The following INPP5B variants were observed in gnomAD, a reference collection of about 807,000 sequenced individuals.
The protein encoded by INPP5B is type II inositol 1,4,5-trisphosphate 5-phosphatase.
A neutral mutation model predicts 118.5 loss-of-function variants in INPP5B; 90 were observed. That is an observed-to-expected ratio of 0.76 (90% confidence interval 0.64 to 0.90). INPP5B has a LOEUF of 0.90. Among genes scored for constraint, INPP5B ranks in the 40% least tolerant of loss-of-function variants. The probability of loss-of-function intolerance (pLI) is 0.00; values close to 1 mark genes in which losing one functional copy is unlikely to be tolerated. For missense variants in INPP5B, 984 were observed against 1,125.6 expected, an observed-to-expected ratio of 0.87 and a Z score of 1.80; for synonymous variants, 385 against 418.9, an observed-to-expected ratio of 0.92 and a Z score of 0.99.
intron 3 of INPP5B, among the ~76,000 whole-genome samples, 172 bp from the exon 4 acceptor site, chr1:37,944,065 G>C (rs1646032732): frequency 6.6e-6 from 1 of 152,192 alleles, no homozygotes; most frequent in Non-Finnish European, 1.5e-5. Context: ...ATCAGAGACT[G>C]CAGTTTTATG....
intron 7 of INPP5B, among the ~76,000 whole-genome samples, chr1:37,918,500 T>C (rs1644948071): frequency 6.6e-6 from 1 of 152,196 alleles, no homozygotes; most frequent in African/African-American, 2.4e-5. Context: ...TCCTCCTTCA[T>C]GAAGCCCTCC....
intron 23 of INPP5B, among the ~76,000 whole-genome samples, chr1:37,863,708 T>C (rs1481428807): frequency 2.7e-5 from 4 of 150,160 alleles, no homozygotes; most frequent in South Asian, 2.1e-4. Flanking sequence ...CACACACACA[T>C]GCACACACAA....
At chr1:37,906,625 G>A (rs935594778) in intron 7 of INPP5B, among the ~76,000 whole-genome samples, 3 of 152,130 alleles carry the variant, frequency 2.0e-5, no homozygotes, top group Admixed American at 6.5e-5. Context: ...GGAGGCTGAG[G>A]TGGGTGGATC....
rs768863389 is a variant in INPP5B at position 37,889,657 on chromosome 1, C to T, written c.697G>A (p.Ala233Thr). Residue 233 changes from alanine (A) to threonine (T), a missense_variant, in exon 9 of 24, where the codon GCT (alanine) becomes ACT (threonine). This residue lies in a region of INPP5B where 350 missense variants were observed against 334.6 expected (regional missense o/e 1.05). Transcript: ENST00000373024. ...AACTTCTGCATGGATAAAATATGAG[C>T]CTTGTCCGACACTGTGATAGTGGAG... Reference protein sequence around the residue: ...RSSTITVSDKAHILSMQKFGL... With the variant: ...RSSTITVSDKTHILSMQKFGL... 1 of 1,613,666 alleles carries T rather than the reference C, an allele frequency of 6.2e-7. No individual in the cohort carries two copies. Among genetic ancestry groups the T allele is most frequent in the African/African-American group, 1.3e-5 (1 of 74,890 alleles).
chr1:37,931,551 A>G (rs1285439077), intron 7 of INPP5B: 2 of 1,537,290 alleles, frequency 1.3e-6, no homozygotes, highest in South Asian at 1.2e-5. Flanking sequence ...GAGGGCCACC[A>G]GGACTTTGGT....
chr1:37,933,490 G>T (rs1238002093), intron 6 of INPP5B, among the ~76,000 whole-genome samples: 1 of 152,172 alleles, frequency 6.6e-6, no homozygotes, highest in African/African-American at 2.4e-5. Flanking sequence ...AGAGGTTTCA[G>T]TGAGCTGAGA....
intron 7 of INPP5B, chr1:37,928,656 G>C (rs951761299): frequency 2.0e-5 from 3 of 151,962 alleles, no homozygotes; most frequent in African/African-American, 7.3e-5. Flanking sequence ...CACTGTGCCT[G>C]GCCTAATTTT....
At position 37,882,867 on chromosome 1, in the gene INPP5B, C is replaced by A. The variant is rs1178169729; in HGVS notation, c.1371G>T (p.Val457=). 6.2e-7 allele frequency: 1 copy of A among 1,614,002 alleles called. No individual in the cohort carries two copies. The highest frequency in any genetic ancestry group is 1.1e-5 in the South Asian group (1 of 91,060). The change falls in exon 14 of 24, where the codon GTG becomes GTT. Residue 457 remains valine (V), a synonymous_variant. Coordinates refer to ENST00000373024, the MANE Select transcript of INPP5B (RefSeq NM_005540.3). ...DLNYRIEELD[V]EKVKKLIEEK... is the part of the protein sequence containing the mutation. ...CTTCGATGAGCTTTTTCACTTTTTC[C>A]ACATCCAGCTCTTCTATCCTGTAGT... is the stretch of plus-strand genomic sequence containing the variant.
intron 7 of INPP5B, among the ~76,000 whole-genome samples, chr1:37,915,557 T>C (rs1644835104): frequency 6.6e-6 from 1 of 152,198 alleles, no homozygotes; most frequent in Admixed American, 6.6e-5. Flanking sequence ...TTAATGAGCA[T>C]GGCCTGACAA....
chr1:37,921,572 C>A (rs1050162391), intron 7 of INPP5B, among the ~76,000 whole-genome samples: 1 of 152,158 alleles, frequency 6.6e-6, no homozygotes, highest in Non-Finnish European at 1.5e-5. Flanking sequence ...CAGGGCCAGG[C>A]GCAGTGCCTC....
At position 37,891,796 on chromosome 1, in the gene INPP5B, T is replaced by C. The variant is rs140165990; in HGVS notation, c.533-342A>G. On this transcript the variant is annotated intron_variant, in intron 7 of 23. Coordinates refer to ENST00000373024, the MANE Select transcript of INPP5B (RefSeq NM_005540.3). ...TCTCAAAAACAAACAAACAAACAAA[T>C]AAATAAATAAATGAAACATACATAT... 3.2e-4 allele frequency among the ~76,000 whole-genome samples: 48 copies of C among 151,944 alleles called. No homozygotes were observed. The South Asian group carries it at 5.0e-3, about 16-fold the overall frequency.
rs371517162 is a variant in INPP5B, at chr1:37,864,455, G to T, written c.2515-32C>A. 8.3e-5 allele frequency: 106 copies of T among 1,284,756 alleles called. No homozygotes were observed. In the African/African-American group the frequency reaches 1.5e-3, roughly 18 times the overall value. 79.6% of individuals were successfully genotyped at this position (1,284,756 alleles called of 1,614,324 possible). A position where few individuals can be genotyped will look rare whatever the true frequency, so the allele number is the denominator to read the frequency against. ...GAGGAAGAACCGGGATTTGTCTTTT[G>T]TTCACTGAATCATTTCTCAAGTGCC... On this transcript the variant is annotated intron_variant, in intron 22 of 23. Transcript: ENST00000373024.
chr1:37,875,571 G>T, intron 17 of INPP5B, 35 bp downstream of exon 17: 1 of 1,542,220 alleles, frequency 6.5e-7, no homozygotes, highest in Non-Finnish European at 9.0e-7. Flanking sequence ...CCCGGCCTGA[G>T]CCCAATGCTA....
chr1:37,882,917 C>T lies in INPP5B; in HGVS notation c.1321G>A (p.Val441Met). ...LPPLTISNHD[V>M]ILWLGDLNYR... ...TTGAGGTCCCCCAGCCACAAGATCA[C>T]ACTGTGAGGACAGAGCACAAAGGTA... Residue 441 changes from valine (V) to methionine (M), a missense_variant and splice_region_variant, in exon 14 of 24, where the codon GTG (valine) becomes ATG (methionine). Transcript: ENST00000373024. 6.2e-7 allele frequency: 1 copy of T among 1,614,108 alleles called. No individual in the cohort carries two copies. Among genetic ancestry groups the T allele is most frequent in the Non-Finnish European group, 8.5e-7 (1 of 1,179,982 alleles).
intron 7 of INPP5B, among the ~76,000 whole-genome samples, chr1:37,895,906 T>G (rs1274844610): frequency 6.6e-6 from 1 of 152,092 alleles, no homozygotes; most frequent in Non-Finnish European, 1.5e-5. Flanking sequence ...CCCAAAGTGC[T>G]GAGATTGCAG....
At position 37,894,468 on chromosome 1, in the gene INPP5B, A is replaced by G. The variant is rs150617648; in HGVS notation, c.533-3014T>C. On this transcript the variant is annotated intron_variant, in intron 7 of 23. Transcript: ENST00000373024. ...TCACTGTATCCCCATCATTCAGCAT[A>G]CCACCCAGCACATTATAGGCAGTAC... Among the ~76,000 whole-genome samples the G allele has an allele frequency of 3.9e-5, 6 of 152,172 alleles. No homozygotes were observed. In the East Asian group the frequency reaches 1.2e-3, roughly 29 times the overall value.
chr1:37,867,155 C>T (rs61776662), intron 20 of INPP5B, among the ~76,000 whole-genome samples: 3 of 152,092 alleles, frequency 2.0e-5, no homozygotes, highest in Admixed American at 6.6e-5. Flanking sequence ...TTGCTAGAGC[C>T]GGGGAGGCGG....
chr1:37,878,558 G>A (rs1211298963), intron 15 of INPP5B: 1 of 897,638 alleles, frequency 1.1e-6, no homozygotes, highest in Non-Finnish European at 1.3e-6. Flanking sequence ...CTGATTCTCT[G>A]ATCTTTATCC....
intron 15 of INPP5B, 111 bp from the exon 16 acceptor site, chr1:37,878,434 T>C: frequency 2.0e-6 from 3 of 1,502,924 alleles, no homozygotes; most frequent in Middle Eastern, 2.4e-4. Flanking sequence ...CATGTCCATG[T>C]GGCTAAGTCA....
Sources: allele counts gnomAD v4.1 joint callset (sites outside exome capture counted in the v4.1 genomes callset), GRCh38; gene constraint gnomAD v4.1.1; regional missense constraint gnomAD v4.1.1; transcripts MANE v1.5; gene names NCBI Gene and HGNC (gene_info 2026-07-23, HGNC 2026-07-21).